Variants in PLXDC2 observed in about 807,000 individuals in gnomAD.
PLXDC2 encodes the protein plexin domain containing 2.
PLXDC2 carries 40 observed loss-of-function variants against 68.9 expected under a neutral mutation model. The observed-to-expected ratio is 0.58, with a 90% confidence interval of 0.45 to 0.76. The LOEUF is 0.76. Among genes scored for constraint, PLXDC2 ranks in the 30% least tolerant of loss-of-function variants. The pLI, the probability that PLXDC2 is intolerant of heterozygous loss-of-function variation, is 0.00. For missense variants in PLXDC2, 644 were observed against 661.9 expected, an observed-to-expected ratio of 0.97 and a Z score of 0.30; for synonymous variants, 243 against 234.2, an observed-to-expected ratio of 1.04 and a Z score of -0.34.
chr10:19,849,855 G>A (rs541283763), intron 1 of PLXDC2, among the ~76,000 whole-genome samples: 2 of 152,276 alleles, frequency 1.3e-5, no homozygotes, highest in Middle Eastern at 3.4e-3. Context: ...GGCACTTAGT[G>A]GTAGGAGAAA....
intron 1 of PLXDC2, among the ~76,000 whole-genome samples, chr10:19,958,605 T>G (rs1834107510): frequency 6.6e-6 from 1 of 152,128 alleles, no homozygotes; most frequent in African/African-American, 2.4e-5. Flanking sequence ...TCCAGGGCAT[T>G]TAGAATTAAT....
chr10:20,123,127 G>A (rs1336330891), intron 4 of PLXDC2, among the ~76,000 whole-genome samples: 1 of 152,216 alleles, frequency 6.6e-6, no homozygotes, highest in African/African-American at 2.4e-5. Flanking sequence ...CGGACCAGGT[G>A]TGAGGAGGGG....
chr10:20,057,631 G>T (rs1366767478), intron 3 of PLXDC2, among the ~76,000 whole-genome samples: 1 of 151,900 alleles, frequency 6.6e-6, no homozygotes, highest in Non-Finnish European at 1.5e-5. Flanking sequence ...ATGCCAACGG[G>T]ACTGGAAGTG....
intron 1 of PLXDC2, among the ~76,000 whole-genome samples, chr10:19,985,818 A>C (rs1490744464): frequency 1.3e-5 from 2 of 152,000 alleles, no homozygotes; most frequent in Non-Finnish European, 2.9e-5. Flanking sequence ...TCTTGCTAAA[A>C]CCCTTCCAGT....
At chr10:19,855,755 T>C (rs940069905) in intron 1 of PLXDC2, among the ~76,000 whole-genome samples, 14 of 152,180 alleles carry the variant, frequency 9.2e-5, no homozygotes, top group Admixed American at 8.5e-4. Flanking sequence ...ATAATGGGCA[T>C]AGTTTAGTGC....
chr10:20,108,184 G>C (rs1166667916), intron 4 of PLXDC2, among the ~76,000 whole-genome samples: 1 of 152,132 alleles, frequency 6.6e-6, no homozygotes, highest in East Asian at 1.9e-4. Context: ...ACTGTTTCTT[G>C]ATCCTTTGGC....
chr10:20,214,031 A>G (rs191039694), intron 10 of PLXDC2, among the ~76,000 whole-genome samples: 2 of 152,262 alleles, frequency 1.3e-5, no homozygotes, highest in Non-Finnish European at 1.5e-5. Context: ...TTAATATTCT[A>G]TGTAATCTAC....
chr10:19,925,186 G>T (rs12764178), intron 1 of PLXDC2, among the ~76,000 whole-genome samples: 1 of 152,054 alleles, frequency 6.6e-6, no homozygotes, highest in Non-Finnish European at 1.5e-5. Context: ...AGGAAAGTCC[G>T]TCGAACTTAT....
chr10:20,024,329 C>G (rs1835361551), intron 2 of PLXDC2, among the ~76,000 whole-genome samples: 1 of 152,114 alleles, frequency 6.6e-6, no homozygotes, highest in African/African-American at 2.4e-5. Flanking sequence ...TCAAAATAAT[C>G]TAGTGCATAG....
At chr10:19,954,055 A>T (rs915959635) in intron 1 of PLXDC2, among the ~76,000 whole-genome samples, 1 of 152,030 alleles carries the variant, frequency 6.6e-6, no homozygotes, top group Non-Finnish European at 1.5e-5. Context: ...AATCCAGCTG[A>T]ATCTGATGGA....
intron 1 of PLXDC2, among the ~76,000 whole-genome samples, chr10:19,860,430 C>T (rs935489427): frequency 2.6e-5 from 4 of 152,038 alleles, no homozygotes; most frequent in Non-Finnish European, 4.4e-5. Flanking sequence ...GATGAATGAG[C>T]GAAAGAAATC....
chr10:19,934,461 G>A (rs1027156038), intron 1 of PLXDC2, among the ~76,000 whole-genome samples: 1 of 152,164 alleles, frequency 6.6e-6, no homozygotes, highest in African/African-American at 2.4e-5. Context: ...TTCTGCATAA[G>A]GTTGATAGTT....
intron 1 of PLXDC2, among the ~76,000 whole-genome samples, chr10:19,958,140 A>G (rs1168973018): frequency 6.6e-6 from 1 of 151,918 alleles, no homozygotes; most frequent in Non-Finnish European, 1.5e-5. Flanking sequence ...GTTTCTATGT[A>G]TATTGCTGGT....
intron 4 of PLXDC2, among the ~76,000 whole-genome samples, chr10:20,100,797 AAC>A (rs1161803858): frequency 6.6e-6 from 1 of 152,116 alleles, no homozygotes; most frequent in African/African-American, 2.4e-5. Context: ...CCATTACCAG[AAC>A]ACAGTGTTTG....
At chr10:20,162,025 AAAG>A (rs1298426269) in intron 6 of PLXDC2, among the ~76,000 whole-genome samples, 40 of 69,802 alleles carry the variant, frequency 5.7e-4, no homozygotes, top group African/African-American at 2.4e-3. Context: ...TCTGTCAGAA[AAAG>A]AAAGAAAGAA....
At chr10:19,892,809 A>G (rs553911744) in intron 1 of PLXDC2, among the ~76,000 whole-genome samples, 27 of 152,270 alleles carry the variant, frequency 1.8e-4, no homozygotes, top group African/African-American at 6.0e-4. Flanking sequence ...ATAAGTCTCA[A>G]TAAGGATTTT....
At chr10:19,985,289 T>C (rs1834616871) in intron 1 of PLXDC2, among the ~76,000 whole-genome samples, 1 of 152,232 alleles carries the variant, frequency 6.6e-6, no homozygotes. Flanking sequence ...TTAACTGCTG[T>C]CCTTTCTACC....
intron 4 of PLXDC2, among the ~76,000 whole-genome samples, chr10:20,131,697 G>A (rs1049926918): frequency 6.6e-6 from 1 of 152,082 alleles, no homozygotes; most frequent in Admixed American, 6.5e-5. Flanking sequence ...ACTGCACCCG[G>A]CCACTTACAG....
At chr10:19,999,419 A>G (rs1251579600) in intron 1 of PLXDC2, among the ~76,000 whole-genome samples, 1 of 151,974 alleles carries the variant, frequency 6.6e-6, no homozygotes, top group Non-Finnish European at 1.5e-5. Context: ...TACATTTTGA[A>G]AGACTGATAG....
Sources: gnomAD v4.1 joint callset for allele counts (sites outside exome capture counted in the v4.1 genomes callset) on GRCh38, gnomAD v4.1.1 for gene constraint, MANE v1.5 for transcripts, NCBI Gene and HGNC (gene_info 2026-07-23, HGNC 2026-07-21) for gene names.